Variants in THSD7A observed in about 807,000 individuals in gnomAD.
The protein encoded by THSD7A is thrombospondin type-1 domain-containing protein 7A.
THSD7A carries 96 observed loss-of-function variants against 231.3 expected under a neutral mutation model. That is an observed-to-expected ratio of 0.41 (90% confidence interval 0.35 to 0.49). The LOEUF (loss-of-function observed/expected upper bound fraction) is 0.49. Ranked by LOEUF, THSD7A falls within the 20% of genes least tolerant of loss-of-function variation. THSD7A has a pLI of 0.05. For missense variants in THSD7A, 2,290 were observed against 2,070.2 expected, an observed-to-expected ratio of 1.11 and a Z score of -2.06; for synonymous variants, 940 against 743.3, an observed-to-expected ratio of 1.26 and a Z score of -4.30.
rs75120267 is a variant in THSD7A, at chr7:11,547,965, G to A, written c.1454-4848C>T. Among the ~76,000 whole-genome samples the A allele has an allele frequency of 2.0e-3, 300 of 152,098 alleles. 10 individuals carry two copies. In the East Asian group the frequency reaches 0.049, roughly 25 times the overall value. On this transcript the variant is annotated intron_variant, in intron 4 of 27. Transcript: ENST00000423059. Reference sequence around the variant, plus strand: ...ACTTAGAGGAACTAGAAAAACAAGAGGAAAGTGACACCAAAGCCAGCAGTA... The same window carrying A: ...ACTTAGAGGAACTAGAAAAACAAGAAGAAAGTGACACCAAAGCCAGCAGTA...
chr7:11,569,580 A>G (rs534640093), intron 4 of THSD7A, among the ~76,000 whole-genome samples: 1 of 152,332 alleles, frequency 6.6e-6, no homozygotes, highest in South Asian at 2.1e-4. Context: ...TGTTGGTAGG[A>G]ATGTAAATTA....
intron 6 of THSD7A, among the ~76,000 whole-genome samples, chr7:11,540,335 G>A (rs1204015284): frequency 6.6e-6 from 1 of 152,200 alleles, no homozygotes; most frequent in Non-Finnish European, 1.5e-5. Context: ...TAATAGCAGT[G>A]TCTGTCAGTC....
chr7:11,479,734 A>C (rs1786342651), intron 7 of THSD7A, among the ~76,000 whole-genome samples: 1 of 152,212 alleles, frequency 6.6e-6, no homozygotes, highest in Admixed American at 6.5e-5. Context: ...AACATGTTTC[A>C]GTGTCCACTA....
rs1780136544 is a variant in THSD7A, at chr7:11,590,901, G to T, written c.1272-260C>A. Among the ~76,000 whole-genome samples, 1 of 152,092 alleles carries T rather than the reference G, an allele frequency of 6.6e-6. No homozygotes were observed. The highest frequency in any genetic ancestry group is 1.5e-5 in the Non-Finnish European group (1 of 68,030). On this transcript the variant is annotated intron_variant, in intron 3 of 27. Coordinates refer to ENST00000423059, the MANE Select transcript of THSD7A (RefSeq NM_015204.3). The surrounding 1 kb of genome is among the most constrained non-coding windows in gnomAD (Gnocchi z 4.4). ...TACTTATAAATATTTTATGAAAAGG[G>T]AGCACAATGCTGAAAACATGAAATT...
intron 6 of THSD7A, among the ~76,000 whole-genome samples, chr7:11,488,035 A>G (rs377456425): frequency 1.3e-4 from 20 of 152,296 alleles, no homozygotes; most frequent in African/African-American, 3.4e-4. Context: ...AACTCACAAC[A>G]TAATGGAATT....
chr7:11,753,445 G>C (rs1437435503), intron 1 of THSD7A, among the ~76,000 whole-genome samples: 3 of 151,894 alleles, frequency 2.0e-5, no homozygotes, highest in African/African-American at 7.2e-5. Context: ...CCAGCACTCA[G>C]GCCACAGTGT....
At chr7:11,650,211 T>C (rs959245421) in intron 1 of THSD7A, among the ~76,000 whole-genome samples, 2 of 152,074 alleles carry the variant, frequency 1.3e-5, no homozygotes, top group Non-Finnish European at 2.9e-5. Context: ...TAGCTTGCTG[T>C]CATCTTCCAT....
Position 11,726,475 on chromosome 7 carries a change from C to G in THSD7A, c.191-89514G>C, listed in dbSNP as rs565372146. On this transcript the variant is annotated intron_variant, in intron 1 of 27. Coordinates refer to ENST00000423059, the MANE Select transcript of THSD7A (RefSeq NM_015204.3). ...ATTGCACAATGAAATCCGGGATTTC[C>G]CTTTTGCCCACTTTTTGGTACTCAG... Among the ~76,000 whole-genome samples the G allele has an allele frequency of 2.6e-5, 4 of 151,930 alleles. No individual in the cohort carries two copies. The South Asian group carries it at 6.2e-4, about 24-fold the overall frequency.
intron 8 of THSD7A, among the ~76,000 whole-genome samples, chr7:11,470,270 C>T (rs969902920): frequency 6.6e-6 from 1 of 151,996 alleles, no homozygotes; most frequent in African/African-American, 2.4e-5. Context: ...ATACCTTATC[C>T]TCTTATAATC....
chr7:11,589,711 G>A lies in THSD7A; in HGVS notation c.1453+749C>T, dbSNP rs150062253. ...CTCAGACAGAAGGAGGATAAAGACTGCTTACAGTACTGCTTAAAGATGTTC... is the reference window on the plus strand; with the variant it reads ...CTCAGACAGAAGGAGGATAAAGACTACTTACAGTACTGCTTAAAGATGTTC... On this transcript the variant is annotated intron_variant, in intron 4 of 27. Transcript: ENST00000423059. Among the ~76,000 whole-genome samples the A allele has an allele frequency of 2.8e-3, 423 of 152,298 alleles. 2 individuals carry two copies. Among genetic ancestry groups the A allele is most frequent in the African/African-American group, 9.5e-3 (396 of 41,568 alleles).
chr7:11,738,005 A>G (rs189718674), intron 1 of THSD7A, among the ~76,000 whole-genome samples: 1 of 151,466 alleles, frequency 6.6e-6, no homozygotes. Context: ...ACATCACTTA[A>G]TGTATTTCAT....
chr7:11,671,172 G>A (rs1360431936), intron 1 of THSD7A, among the ~76,000 whole-genome samples: 2 of 152,140 alleles, frequency 1.3e-5, no homozygotes, highest in African/African-American at 4.8e-5. Flanking sequence ...AATGCTTTTA[G>A]CTGCTTTTCT....
At chr7:11,402,180 A>G (rs866284669) in intron 22 of THSD7A, among the ~76,000 whole-genome samples, 2 of 152,212 alleles carry the variant, frequency 1.3e-5, no homozygotes, top group Non-Finnish European at 2.9e-5. Context: ...TTACTGGTCT[A>G]TGTGTTGCTT....
At chr7:11,561,307 T>C (rs1285378138) in intron 4 of THSD7A, among the ~76,000 whole-genome samples, 1 of 152,212 alleles carries the variant, frequency 6.6e-6, no homozygotes, top group African/African-American at 2.4e-5. Context: ...TAACATAATA[T>C]GATTGAGGCT....
At chr7:11,778,156 C>CAAA (rs57740181) in intron 1 of THSD7A, among the ~76,000 whole-genome samples, 742 of 44,892 alleles carry the variant, frequency 0.017, 66 homozygotes, top group African/African-American at 0.043. Flanking sequence ...GACTCCGTCT[C>CAAA]AAAAAAAAAA....
At chr7:11,789,519 A>G (rs1783886807) in intron 1 of THSD7A, among the ~76,000 whole-genome samples, 1 of 151,504 alleles carries the variant, frequency 6.6e-6, no homozygotes, top group Admixed American at 6.6e-5. Context: ...CACTTATTTG[A>G]TTATGAATAA....
At chr7:11,769,816 T>G (rs1286549812) in intron 1 of THSD7A, among the ~76,000 whole-genome samples, 1 of 152,234 alleles carries the variant, frequency 6.6e-6, no homozygotes, top group Non-Finnish European at 1.5e-5. Context: ...GTCCTCTTCT[T>G]AACTTTAATC....
chr7:11,721,335 T>C (rs916432519), intron 1 of THSD7A, among the ~76,000 whole-genome samples: 5 of 151,784 alleles, frequency 3.3e-5, no homozygotes, highest in African/African-American at 1.2e-4. Context: ...TTCCCCTTGC[T>C]AATCTTATGA....
intron 1 of THSD7A, among the ~76,000 whole-genome samples, chr7:11,679,693 A>C (rs1386857085): frequency 6.6e-6 from 1 of 152,190 alleles, no homozygotes; most frequent in Non-Finnish European, 1.5e-5. Context: ...AGGAAATAAG[A>C]GAGGACACAA....
Sources: allele counts gnomAD v4.1 joint callset (sites outside exome capture counted in the v4.1 genomes callset), GRCh38; gene constraint gnomAD v4.1.1; non-coding constraint Gnocchi (gnomAD v3.1); transcripts MANE v1.5; gene names NCBI Gene and HGNC (gene_info 2026-07-23, HGNC 2026-07-21).